The following OPHN1 variants were observed in gnomAD, a reference collection of about 807,000 sequenced individuals.
OPHN1 encodes oligophrenin 1, also known as oligophrenin-1.
Under a neutral mutation model 60.7 loss-of-function variants are expected in OPHN1, and 11 were observed. The observed-to-expected ratio is 0.18, with a 90% confidence interval of 0.11 to 0.30. The LOEUF (loss-of-function observed/expected upper bound fraction) is 0.30. OPHN1 is among the 10% of genes least tolerant of loss of function. The probability of loss-of-function intolerance (pLI) is 1.00; values close to 1 mark genes in which losing one functional copy is unlikely to be tolerated. For synonymous variants in OPHN1, 226 were observed against 222.6 expected, an observed-to-expected ratio of 1.02 and a Z score of -0.14; for missense variants, 449 against 611.0, an observed-to-expected ratio of 0.73 and a Z score of 2.80.
intron 15 of OPHN1, among the ~76,000 whole-genome samples, chrX:68,134,131 C>T (rs1401215208): frequency 1.8e-5 from 2 of 109,610 alleles, no homozygotes; most frequent in Non-Finnish European, 3.8e-5. Context: ...GCCAAGATCG[C>T]GCCATTGTAC....
intron 2 of OPHN1, among the ~76,000 whole-genome samples, chrX:68,322,596 G>T: frequency 9.0e-6 from 1 of 111,123 alleles, no homozygotes; most frequent in East Asian, 2.8e-4. Flanking sequence ...AGACTAGTCT[G>T]GTCAACATGA....
intron 15 of OPHN1, among the ~76,000 whole-genome samples, chrX:68,120,343 A>C (rs2077145609): frequency 8.9e-6 from 1 of 112,125 alleles, no homozygotes; most frequent in Non-Finnish European, 1.9e-5. Flanking sequence ...GCATTTCTAC[A>C]GACTAACAAT....
intron 2 of OPHN1, among the ~76,000 whole-genome samples, chrX:68,372,844 G>C (rs764160913): frequency 1.8e-5 from 2 of 110,511 alleles, no homozygotes; most frequent in African/African-American, 6.6e-5. Flanking sequence ...TCCTTTCTGC[G>C]TATCTTGCAC....
intron 15 of OPHN1, among the ~76,000 whole-genome samples, chrX:68,138,355 G>A: frequency 8.9e-6 from 1 of 112,307 alleles, no homozygotes. Context: ...AAACAAAAAG[G>A]CAATGTGATA....
chrX:68,225,891 G>C (rs1237089602), intron 6 of OPHN1, among the ~76,000 whole-genome samples: 1 of 112,352 alleles, frequency 8.9e-6, no homozygotes, highest in Non-Finnish European at 1.9e-5. Flanking sequence ...GATGAGTTGA[G>C]AGAAGAAGGC....
intron 15 of OPHN1, among the ~76,000 whole-genome samples, chrX:68,164,059 G>A (rs2077347520): frequency 9.0e-6 from 1 of 111,228 alleles, no homozygotes; most frequent in African/African-American, 3.3e-5. Flanking sequence ...TCCTCACAAC[G>A]GTCATATGAG....
At chrX:68,177,571 G>A (rs1053545196) in intron 15 of OPHN1, among the ~76,000 whole-genome samples, 3 of 110,810 alleles carry the variant, frequency 2.7e-5, no homozygotes, top group African/African-American at 9.9e-5. Flanking sequence ...TCACGGTTCT[G>A]CAGGCTATAC....
Position 68,069,152 on chromosome X carries a change from A to G in OPHN1, c.1834+4000T>C, listed in dbSNP as rs180761923. Among the ~76,000 whole-genome samples, 18 of 112,094 alleles carry G rather than the reference A, an allele frequency of 1.6e-4. No individual in the cohort carries two copies. The East Asian group carries it at 3.9e-3, about 24-fold the overall frequency. ...TGTCCCAAAGCCCTCATCACCACAG[A>G]GGGGCAAATTGAGGTCCAGAGAGGG... On this transcript the variant is annotated intron_variant, in intron 20 of 24. Coordinates refer to ENST00000355520, the MANE Select transcript of OPHN1 (RefSeq NM_002547.3).
chrX:68,251,256 G>A (rs777161184), intron 5 of OPHN1, among the ~76,000 whole-genome samples: 36 of 91,291 alleles, frequency 3.9e-4, no homozygotes, highest in South Asian at 5.8e-4. Context: ...GCGCAATCTC[G>A]GCTCACTGCA....
At position 68,064,122 on chromosome X, in the gene OPHN1, G is replaced by C. The variant is rs775261678; in HGVS notation, c.1890C>G (p.Pro630=). ...GTAGTTTGGGGTGTTGTGGTGGCTT[G>C]GGGGGTTCTATGCTGCTGGTGATAG... ...NGTITSSIEP[P]KPPQHPKLPI... Residue 630 remains proline (P), a synonymous_variant, in exon 21 of 25, where the codon CCC becomes CCG. Coordinates refer to ENST00000355520, the MANE Select transcript of OPHN1 (RefSeq NM_002547.3). 3.9e-5 allele frequency: 47 copies of C among 1,208,212 alleles called. No homozygotes were observed. The highest frequency in any genetic ancestry group is 4.7e-5 in the Non-Finnish European group (42 of 894,445).
intron 2 of OPHN1, among the ~76,000 whole-genome samples, chrX:68,430,146 C>G (rs1310180211): frequency 8.9e-6 from 1 of 112,009 alleles, no homozygotes; most frequent in South Asian, 3.7e-4. Flanking sequence ...TTCCTTTTTC[C>G]TCAACACAGA....
chrX:68,105,966 T>C (rs181859892), intron 18 of OPHN1, among the ~76,000 whole-genome samples: 282 of 108,863 alleles, frequency 2.6e-3, no homozygotes, highest in African/African-American at 8.8e-3. Flanking sequence ...AAAGTCAAAA[T>C]TGTTAAAATG....
intron 15 of OPHN1, among the ~76,000 whole-genome samples, chrX:68,168,456 G>A (rs1466721786): frequency 8.9e-6 from 1 of 111,952 alleles, no homozygotes; most frequent in East Asian, 2.8e-4. Flanking sequence ...TGAAACCAAC[G>A]AGAACAAAGA....
intron 2 of OPHN1, among the ~76,000 whole-genome samples, chrX:68,327,969 A>G (rs1472018716): frequency 2.0e-5 from 2 of 100,653 alleles, no homozygotes; most frequent in African/African-American, 7.7e-5. Context: ...AGCTGGGACT[A>G]CAGGCGCCCG....
chrX:68,086,181 C>CAAAAAAAAAAAA (rs779219029), intron 19 of OPHN1, among the ~76,000 whole-genome samples: 3 of 71,181 alleles, frequency 4.2e-5, no homozygotes, highest in African/African-American at 4.8e-5. Context: ...ACTCTGTCTC[C>CAAAAAAAAAAAA]AAAAAAAAAA....
chrX:68,283,040 A>C lies in OPHN1; in HGVS notation c.312+16T>G, dbSNP rs762999744. ...CACCCATGAACTCAGCTTCAGTGACAGCGTTAGTGACTTACCATCATCATC... is the reference window on the plus strand; with the variant it reads ...CACCCATGAACTCAGCTTCAGTGACCGCGTTAGTGACTTACCATCATCATC... On this transcript the variant is annotated intron_variant, in intron 4 of 24. Coordinates refer to ENST00000355520, the MANE Select transcript of OPHN1 (RefSeq NM_002547.3). The C allele has an allele frequency of 4.2e-6, 5 of 1,186,475 alleles. No individual in the cohort carries two copies. The South Asian group carries it at 8.9e-5, about 21-fold the overall frequency.
At chrX:68,270,261 G>A (rs1213013668) in intron 5 of OPHN1, among the ~76,000 whole-genome samples, 4 of 110,678 alleles carry the variant, frequency 3.6e-5, no homozygotes, top group Non-Finnish European at 7.6e-5. Flanking sequence ...AGGATTATAA[G>A]TCATGCTGCT....
chrX:68,264,135 C>G (rs1308758430), intron 5 of OPHN1, among the ~76,000 whole-genome samples: 1 of 111,309 alleles, frequency 9.0e-6, no homozygotes, highest in Admixed American at 9.6e-5. Context: ...ACATGTTAGA[C>G]CTAAAACCAT....
intron 2 of OPHN1, among the ~76,000 whole-genome samples, chrX:68,431,007 C>T (rs1275891635): frequency 1.8e-5 from 2 of 111,377 alleles, no homozygotes; most frequent in Non-Finnish European, 3.8e-5. Flanking sequence ...CCATCCACTT[C>T]ACAAAGCCAT....
Sources: gnomAD v4.1 joint callset for allele counts (sites outside exome capture counted in the v4.1 genomes callset) on GRCh38, gnomAD v4.1.1 for gene constraint, MANE v1.5 for transcripts, NCBI Gene and HGNC (gene_info 2026-07-23, HGNC 2026-07-21) for gene names.